The following SELENOS variants were observed in gnomAD, a reference collection of about 807,000 sequenced individuals.
SELENOS encodes the protein selenoprotein S.
Under a neutral mutation model 30.2 loss-of-function variants are expected in SELENOS, and 37 were observed. That is an observed-to-expected ratio of 1.23 (90% confidence interval 0.94 to 1.61). The LOEUF (loss-of-function observed/expected upper bound fraction) is 1.61, where lower values mean the gene tolerates loss of function less well. Ranked by LOEUF, SELENOS falls within the 40% of genes most tolerant of loss-of-function variation. The probability of loss-of-function intolerance (pLI) is 0.00; values close to 1 mark genes in which losing one functional copy is unlikely to be tolerated. For missense variants in SELENOS, 289 were observed against 231.8 expected (o/e 1.25, Z -1.60); for synonymous variants, 119 against 91.6 (o/e 1.30, Z -1.71).
In SELENOS at chr15:101,272,863, G is replaced by A. The variant is rs373925368; in HGVS notation, c.485-7C>T. ...CCAGACAACGGGTTATAACCTGGGAGGACAGAAAAGCAGCACAACAGTATT... is the reference window on the plus strand; with the variant it reads ...CCAGACAACGGGTTATAACCTGGGAAGACAGAAAAGCAGCACAACAGTATT... On this transcript the variant is annotated splice_polypyrimidine_tract_variant and splice_region_variant and intron_variant, in intron 5 of 5. Coordinates refer to ENST00000526049, the MANE Select transcript of SELENOS (RefSeq NM_018445.6). The A allele has an allele frequency of 2.7e-5, 43 of 1,600,848 alleles. No individual in the cohort carries two copies. Among genetic ancestry groups the A allele is most frequent in the Non-Finnish European group, 3.4e-5 (40 of 1,173,738 alleles).
Position 101,277,332 on chromosome 15 carries a change from A to G in SELENOS, c.76+10T>C, listed in dbSNP as rs2039340347. ...GGCGGCGCGCGCCCGGCTGCCCCGC[A>G]ACGACTCACCCGTGGTGTGCAGGAA... On this transcript the variant is annotated intron_variant, in intron 1 of 5. Coordinates refer to ENST00000526049, the MANE Select transcript of SELENOS (RefSeq NM_018445.6). 2.0e-6 allele frequency: 3 copies of G among 1,511,800 alleles called. No individual in the cohort carries two copies. Among genetic ancestry groups the G allele is most frequent in the Non-Finnish European group, 2.6e-6 (3 of 1,137,754 alleles). 93.6% of individuals were successfully genotyped at this position (1,511,800 alleles called of 1,614,324 possible). A position where few individuals can be genotyped will look rare whatever the true frequency, so the allele number is the denominator to read the frequency against.
At chr15:101,274,172 C>T (rs2039298020) in intron 5 of SELENOS, 1 of 550,454 alleles carries the variant, frequency 1.8e-6, no homozygotes, top group East Asian at 3.0e-5. Context: ...GACAATTCCT[C>T]ACCCTACTTA....
In SELENOS at chr15:101,272,262, G is replaced by A. The variant is rs933848898; in HGVS notation, c.*509C>T. On this transcript the variant is annotated 3_prime_UTR_variant, in exon 6 of 6. Transcript: ENST00000526049. ...TCCATAAATCTCCTTGAATAAAGAT[G>A]CTAAAAATGTTATTCTTGTTTTTTA... The A allele has an allele frequency of 1.3e-5, 2 of 152,226 alleles. No homozygotes were observed. Among genetic ancestry groups the A allele is most frequent in the African/African-American group, 4.8e-5 (2 of 41,454 alleles). 9.4% of individuals were successfully genotyped at this position (152,226 alleles called of 1,614,324 possible). A position where few individuals can be genotyped will look rare whatever the true frequency, so the allele number is the denominator to read the frequency against.
At position 101,273,045 on chromosome 15, in the gene SELENOS, G is replaced by C. The variant is rs980742657; in HGVS notation, c.485-189C>G. Among the ~76,000 whole-genome samples the C allele has an allele frequency of 7.3e-5, 11 of 151,110 alleles. No individual in the cohort carries two copies. The South Asian group carries it at 2.3e-3, about 32-fold the overall frequency. On this transcript the variant is annotated intron_variant, in intron 5 of 5. Transcript: ENST00000526049. ...AACCTTTATATTGTGATTGCCATTTGAACTGATTGTCTGGTGGGGAAAAAA... is the reference window on the plus strand; with the variant it reads ...AACCTTTATATTGTGATTGCCATTTCAACTGATTGTCTGGTGGGGAAAAAA...
At chr15:101,274,978 T>G in intron 3 of SELENOS, 2 of 572,546 alleles carry the variant, frequency 3.5e-6, no homozygotes, top group Non-Finnish European at 6.1e-6. Flanking sequence ...CACAGGCACA[T>G]GCACACACAC....
Position 101,274,690 on chromosome 15 carries a change from C to T in SELENOS, c.319-9G>A, listed in dbSNP as rs757171655. 1 of 1,607,660 alleles carries T rather than the reference C, an allele frequency of 6.2e-7. No homozygotes were observed. The highest frequency in any genetic ancestry group is 8.5e-7 in the Non-Finnish European group (1 of 1,178,154). On this transcript the variant is annotated splice_polypyrimidine_tract_variant and intron_variant, in intron 3 of 5. Transcript: ENST00000526049. ...CTTTTTTCTTCTTCAAGCTGAGAAACAATCACATTTTACAGAAAGAATTCA... is the reference window on the plus strand; with the variant it reads ...CTTTTTTCTTCTTCAAGCTGAGAAATAATCACATTTTACAGAAAGAATTCA...
chr15:101,275,240 G>A lies in SELENOS; in HGVS notation c.318+15C>T, dbSNP rs369743890. On this transcript the variant is annotated intron_variant, in intron 3 of 5. Transcript: ENST00000526049. ...CAATTTCTATGCACACATTCAAACT[G>A]AAACCAGTTCATACTTGTTTCAGTT... 1 of 1,529,972 alleles carries A rather than the reference G, an allele frequency of 6.5e-7. No homozygotes were observed. The highest frequency in any genetic ancestry group is 8.8e-7 in the Non-Finnish European group (1 of 1,139,508). The allele number at this position is 1,529,972 out of a possible 1,614,324, so 94.8% of individuals were successfully genotyped here. A position where few individuals can be genotyped will look rare whatever the true frequency, so the allele number is the denominator to read the frequency against.
chr15:101,273,748 T>C (rs1312185175), intron 5 of SELENOS, among the ~76,000 whole-genome samples: 1 of 152,240 alleles, frequency 6.6e-6, no homozygotes, highest in East Asian at 1.9e-4. Context: ...CCTGCTGCCT[T>C]GGAGCCCATG....
At position 101,274,622 on chromosome 15, in the gene SELENOS, T is replaced by C; in HGVS notation, c.378A>G (p.Lys126=). The change falls in exon 4 of 6, where the codon AAA becomes AAG. Residue 126 remains lysine, a synonymous_variant. Coordinates refer to ENST00000526049, the MANE Select transcript of SELENOS (RefSeq NM_018445.6). ...GCTTCTTTGCATTTCCTTTGTAACT[T>C]TTTCCTTCTTGCATGCTGTCCCACA... is the stretch of plus-strand genomic sequence containing the variant. ...IEMWDSMQEG[K]SYKGNAKKPQ... 1.9e-6 allele frequency: 3 copies of C among 1,613,722 alleles called. No individual in the cohort carries two copies. Among genetic ancestry groups the C allele is most frequent in the South Asian group, 2.2e-5 (2 of 91,000 alleles).
At chr15:101,274,381 G>A (rs935807240) in intron 5 of SELENOS, 39 bp downstream of exon 5, 4 of 1,573,578 alleles carry the variant, frequency 2.5e-6, no homozygotes, top group Non-Finnish European at 3.5e-6. Context: ...TCCTGTAAGT[G>A]TTGAAAATCT....
intron 5 of SELENOS, 170 bp downstream of exon 5, chr15:101,274,250 T>C (rs184375595): frequency 2.8e-6 from 2 of 725,824 alleles, no homozygotes; most frequent in East Asian, 5.4e-5. Context: ...TCTAAGTACT[T>C]AGTGAGGACC....
chr15:101,276,142 C>T (rs1416236663), intron 2 of SELENOS, among the ~76,000 whole-genome samples: 4 of 151,824 alleles, frequency 2.6e-5, no homozygotes, highest in Non-Finnish European at 5.9e-5. Context: ...AGGCTGTTCT[C>T]GAACCCCTGA....
chr15:101,273,815 C>T lies in SELENOS; in HGVS notation c.484+605G>A, dbSNP rs2039295090. Among the ~76,000 whole-genome samples the T allele has an allele frequency of 2.0e-5, 3 of 152,238 alleles. No individual in the cohort carries two copies. In the South Asian group the frequency reaches 6.2e-4, roughly 31 times the overall value. Reference sequence around the variant, plus strand: ...ATCAGGGCCTCTGCGGTGCCCCTCTCCTCCTATGGAGGATACAAAATCTTC... The same window carrying T: ...ATCAGGGCCTCTGCGGTGCCCCTCTTCTCCTATGGAGGATACAAAATCTTC... On this transcript the variant is annotated intron_variant, in intron 5 of 5. Transcript: ENST00000526049.
At chr15:101,273,017 A>G (rs1479320906) in intron 5 of SELENOS, among the ~76,000 whole-genome samples, 161 bp from the exon 6 acceptor site, 3 of 152,178 alleles carry the variant, frequency 2.0e-5, no homozygotes. Context: ...TGAAAAAAAA[A>G]AAAACCTTTA....
intron 5 of SELENOS, chr15:101,274,156 T>C (rs555473257): frequency 4.0e-5 from 21 of 530,386 alleles, no homozygotes; most frequent in Non-Finnish European, 4.7e-5. Context: ...CATCTGAAGA[T>C]TGGCAGACAA....
rs539677677 is a variant in SELENOS at position 101,273,138 on chromosome 15, A to T, written c.485-282T>A. On this transcript the variant is annotated intron_variant, in intron 5 of 5. Transcript: ENST00000526049. ...AGGGTCACCAAAAAACTCTCTCAAGAGGGCCTGATTTAAGTATATGAATCC... is the reference window on the plus strand; with the variant it reads ...AGGGTCACCAAAAAACTCTCTCAAGTGGGCCTGATTTAAGTATATGAATCC... Among the ~76,000 whole-genome samples the T allele has an allele frequency of 3.9e-5, 6 of 152,310 alleles. No homozygotes were observed. In the East Asian group the frequency reaches 9.6e-4, roughly 24 times the overall value.
At chr15:101,273,140 G>A (rs951232900) in intron 5 of SELENOS, among the ~76,000 whole-genome samples, 5 of 151,898 alleles carry the variant, frequency 3.3e-5, no homozygotes, top group Non-Finnish European at 7.4e-5. Context: ...CTCTCAAGAG[G>A]GCCTGATTTA....
chr15:101,274,722 G>A lies in SELENOS; in HGVS notation c.319-41C>T, dbSNP rs377060769. The A allele has an allele frequency of 8.3e-6, 13 of 1,562,902 alleles. No individual in the cohort carries two copies. In the African/African-American group the frequency reaches 1.6e-4, roughly 20 times the overall value. Reference sequence around the variant, plus strand: ...ATTTTACAGAAAGAATTCAGAAGCTGCCATTTCTCTCAAAGACAAAGCTAA... The same window carrying A: ...ATTTTACAGAAAGAATTCAGAAGCTACCATTTCTCTCAAAGACAAAGCTAA... On this transcript the variant is annotated intron_variant, in intron 3 of 5. Coordinates refer to ENST00000526049, the MANE Select transcript of SELENOS (RefSeq NM_018445.6).
chr15:101,275,255 T>C lies in SELENOS; in HGVS notation c.318A>G (p.Gln106=), dbSNP rs2039311286. 6.5e-7 allele frequency: 1 copy of C among 1,547,034 alleles called. No individual in the cohort carries two copies. The highest frequency in any genetic ancestry group is 2.1e-5 in the Admixed American group (1 of 47,654). ...QVEKHKEKLK[Q]LEEEKRRQKI... ...CATTCAAACTGAAACCAGTTCATAC[T>C]TGTTTCAGTTTTTCCTTATGCTTTT... is the stretch of plus-strand genomic sequence containing the variant. Residue 106 remains glutamine, a splice_region_variant and synonymous_variant, in exon 3 of 6, where the codon CAA becomes CAG. Coordinates refer to ENST00000526049, the MANE Select transcript of SELENOS (RefSeq NM_018445.6).
Sources: allele counts gnomAD v4.1 joint callset (sites outside exome capture counted in the v4.1 genomes callset), GRCh38; gene constraint gnomAD v4.1.1; transcripts MANE v1.5; gene names NCBI Gene and HGNC (gene_info 2026-07-23, HGNC 2026-07-21).